LIG1: variants seen among roughly 807,000 people sequenced by gnomAD.
LIG1 encodes ligase I, DNA, ATP-dependent.
A neutral mutation model predicts 115.7 loss-of-function variants in LIG1; 70 were observed. The observed-to-expected ratio is 0.60, with a 90% confidence interval of 0.50 to 0.74. The LOEUF is 0.74. LIG1 is among the 30% of genes least tolerant of loss of function. LIG1 has a pLI of 0.00. For synonymous variants in LIG1, 487 were observed against 495.3 expected, an observed-to-expected ratio of 0.98 and a Z score of 0.22; for missense variants, 1,115 against 1,225.6, an observed-to-expected ratio of 0.91 and a Z score of 1.35.
chr19:48,126,201 C>G (rs915019178), intron 21 of LIG1, among the ~76,000 whole-genome samples: 1 of 152,118 alleles, frequency 6.6e-6, no homozygotes, highest in Non-Finnish European at 1.5e-5. Flanking sequence ...AGCCATGCCG[C>G]TAGGAAGGTT....
At chr19:48,166,742 G>A (rs1386926931) in intron 1 of LIG1, among the ~76,000 whole-genome samples, 4 of 152,002 alleles carry the variant, frequency 2.6e-5, no homozygotes, top group Non-Finnish European at 4.4e-5. Flanking sequence ...AGGCCGAAGC[G>A]GGTGGATCGC....
chr19:48,149,212 G>C (rs915893846), intron 9 of LIG1, among the ~76,000 whole-genome samples: 9 of 152,178 alleles, frequency 5.9e-5, no homozygotes, highest in African/African-American at 1.9e-4. Flanking sequence ...TGGGAGAATC[G>C]CTTGAACCTG....
chr19:48,161,317 G>C, intron 4 of LIG1, 55 bp downstream of exon 4: 1 of 1,611,794 alleles, frequency 6.2e-7, no homozygotes, highest in Non-Finnish European at 8.5e-7. Context: ...CTGTTCCAAA[G>C]GTTAATGGGA....
intron 17 of LIG1, chr19:48,133,636 G>A (rs1217755746): frequency 1.4e-5 from 5 of 351,792 alleles, no homozygotes; most frequent in African/African-American, 1.1e-4. Flanking sequence ...TCACTCTGTC[G>A]CCCAGCTGGA....
rs769177440 is a variant in LIG1, at chr19:48,128,009, T to G, written c.1833A>C (p.Pro611=). 1 of 1,613,888 alleles carries G rather than the reference T, an allele frequency of 6.2e-7. No homozygotes were observed. The highest frequency in any genetic ancestry group is 1.3e-5 in the African/African-American group (1 of 74,884). Residue 611 remains proline (P), a synonymous_variant, in exon 20 of 28, where the codon CCA becomes CCC. Transcript: ENST00000263274. ...TGTCCAGGATGAAGGATGTGACCGA[T>G]GGGAGTTTAATCTGAAAAGTGAAGG... ...IISRIPKIKL[P]SVTSFILDTE... is the part of the protein sequence containing the mutation.
At chr19:48,135,343 A>C (rs2034310348) in intron 16 of LIG1, among the ~76,000 whole-genome samples, 1 of 152,056 alleles carries the variant, frequency 6.6e-6, no homozygotes, top group African/African-American at 2.4e-5. Context: ...GGCTGGTCTC[A>C]AACTCCTGAC....
chr19:48,168,470 G>A (rs754365246), intron 1 of LIG1, among the ~76,000 whole-genome samples: 3 of 152,144 alleles, frequency 2.0e-5, no homozygotes, highest in Non-Finnish European at 2.9e-5. Flanking sequence ...GAGTTGGGGG[G>A]AACAAACTGG....
At chr19:48,146,906 G>T (rs1287949380) in intron 9 of LIG1, among the ~76,000 whole-genome samples, 1 of 152,154 alleles carries the variant, frequency 6.6e-6, no homozygotes, top group Non-Finnish European at 1.5e-5. Context: ...GACCTGGCGA[G>T]GCCCGACCTA....
intron 9 of LIG1, among the ~76,000 whole-genome samples, chr19:48,149,283 C>G (rs1355249323): frequency 3.9e-5 from 6 of 152,126 alleles, no homozygotes; most frequent in Non-Finnish European, 7.3e-5. Context: ...GGCGACAGAG[C>G]AAGACTCTGT....
chr19:48,156,048 A>C (rs2116492), intron 5 of LIG1, among the ~76,000 whole-genome samples: 77,580 of 151,884 alleles, frequency 0.51, 20,055 homozygotes, highest in East Asian at 0.68. Context: ...CCCTGTTCTT[A>C]CCCCACAGCA....
In LIG1 at chr19:48,127,342, C is replaced by T. The variant is rs56105837; in HGVS notation, c.1939G>A (p.Asp647Asn). Residue 647 changes from aspartate (D) to asparagine (N), a missense_variant, in exon 21 of 28, where the codon GAT becomes AAT. Physicochemically the swap from Asp to Asn is conservative, Grantham distance 23. Coordinates refer to ENST00000263274, the MANE Select transcript of LIG1 (RefSeq NM_000234.3). The part of the protein sequence containing the change: ...VLTTRKRKEV[D>N]ASEIQVQVCL... The stretch of plus-strand genomic sequence containing the variant: ...ACCTGCACCTGGATCTCAGACGCAT[C>T]CACCTCCTGGGTTGGGGCACAACGG... The T allele has an allele frequency of 4.5e-5, 73 of 1,613,148 alleles. No homozygotes were observed. In the African/African-American group the frequency reaches 8.7e-4, roughly 19 times the overall value.
At chr19:48,134,235 G>A (rs1363236763) in intron 16 of LIG1, among the ~76,000 whole-genome samples, 169 bp from the exon 17 acceptor site, 1 of 152,176 alleles carries the variant, frequency 6.6e-6, no homozygotes, top group African/African-American at 2.4e-5. Context: ...CTCCCTTCGT[G>A]TCACTATCTG....
rs535385809 is a variant in LIG1, at chr19:48,164,491, CA to C, written c.17+1058del. ...GTGGGCTGGCCCTTTTGCCTGTGACCAGGGGTGGACACGTGATCCAGGCTGC... is the reference window on the plus strand; with the variant it reads ...GTGGGCTGGCCCTTTTGCCTGTGACCGGGGTGGACACGTGATCCAGGCTGC... On this transcript the variant is annotated intron_variant, in intron 2 of 27. Transcript: ENST00000263274. 6.6e-3 allele frequency among the ~76,000 whole-genome samples: 1,011 copies of C among 152,270 alleles called. 14 individuals are homozygous for C. The highest frequency in any genetic ancestry group is 0.023 in the African/African-American group (954 of 41,556).
intron 5 of LIG1, chr19:48,154,583 C>T (rs957609399): frequency 1.8e-5 from 3 of 164,022 alleles, no homozygotes; most frequent in African/African-American, 7.2e-5. Context: ...GTTCCCTGCA[C>T]CTCCTAAACA....
chr19:48,142,444 A>AAAAAAAAAAAAAACAAAAC (rs1555774934), intron 11 of LIG1, among the ~76,000 whole-genome samples: 2 of 104,782 alleles, frequency 1.9e-5, no homozygotes, highest in African/African-American at 9.8e-5. Flanking sequence ...CTCCATCTCA[A>AAAAAAAAAAAAAACAAAAC]AAAAAAAAAA....
Position 48,135,555 on chromosome 19 carries a change from GTGACC to G in LIG1, c.1523+120_1523+124del, listed in dbSNP as rs534058753. On this transcript the variant is annotated intron_variant, in intron 16 of 27. Coordinates refer to ENST00000263274, the MANE Select transcript of LIG1 (RefSeq NM_000234.3). ...CACCACCTCTGCTCTCAGTCACCCC[GTGACC>G]GGCACTCGTGATGCCTGTCCGTCAC... 59 of 807,280 alleles carry G rather than the reference GTGACC, an allele frequency of 7.3e-5. No homozygotes were observed. In the South Asian group the frequency reaches 7.5e-4, roughly 10 times the overall value. 50.0% of individuals were successfully genotyped at this position (807,280 alleles called of 1,614,324 possible).
intron 1 of LIG1, among the ~76,000 whole-genome samples, chr19:48,168,944 T>C (rs984323547): frequency 6.6e-6 from 1 of 152,178 alleles, no homozygotes; most frequent in Non-Finnish European, 1.5e-5. Context: ...AACTGTATAA[T>C]TGTGAATTAT....
chr19:48,135,124 G>A (rs1015339614), intron 16 of LIG1, among the ~76,000 whole-genome samples: 23 of 152,244 alleles, frequency 1.5e-4, no homozygotes, highest in Admixed American at 7.2e-4. Context: ...TCATGTTGCC[G>A]GCTGCCCTCC....
intron 21 of LIG1, chr19:48,126,997 T>C: frequency 4.2e-6 from 2 of 472,990 alleles, no homozygotes; most frequent in South Asian, 4.6e-5. Flanking sequence ...TGGATTCTCC[T>C]GCGTGCTTCT....
Sources: allele counts gnomAD v4.1 joint callset (sites outside exome capture counted in the v4.1 genomes callset), GRCh38; gene constraint gnomAD v4.1.1; transcripts MANE v1.5; gene names NCBI Gene and HGNC (gene_info 2026-07-23, HGNC 2026-07-21).